NCKAP5: variants seen among roughly 807,000 people sequenced by gnomAD.
The protein encoded by NCKAP5 is NCK associated protein 5, also known as nck-associated protein 5.
In NCKAP5, 92 loss-of-function variants were observed where a neutral mutation model predicts 167.0. The ratio of observed to expected loss-of-function variants is 0.55; its 90% CI spans 0.47 to 0.66. NCKAP5 has a LOEUF of 0.66. NCKAP5 is among the 30% of genes least tolerant of loss of function. The pLI is 0.00. For synonymous variants in NCKAP5, 891 were observed against 877.4 expected (o/e 1.02, Z -0.27); for missense variants, 2,378 against 2,315.0 (o/e 1.03, Z -0.56).
intron 12 of NCKAP5, among the ~76,000 whole-genome samples, chr2:132,794,350 A>G (rs1684399212): frequency 6.8e-6 from 1 of 146,702 alleles, no homozygotes; most frequent in Non-Finnish European, 1.5e-5. Flanking sequence ...ACAGAGACAG[A>G]GGCCAGGCAC....
intron 3 of NCKAP5, among the ~76,000 whole-genome samples, chr2:133,344,008 G>C (rs1157481148): frequency 6.6e-6 from 1 of 152,204 alleles, no homozygotes; most frequent in Non-Finnish European, 1.5e-5. Context: ...AAGCAAAGTT[G>C]GGTAAGGGGC....
intron 2 of NCKAP5, among the ~76,000 whole-genome samples, chr2:133,552,727 C>G (rs1346037647): frequency 7.1e-6 from 1 of 140,994 alleles, no homozygotes; most frequent in Non-Finnish European, 1.5e-5. Flanking sequence ...CACATGTACC[C>G]TAAAACTTAA....
At chr2:133,146,074 T>TTAAAAAGCAACATCTAGA (rs1376668731) in intron 5 of NCKAP5, among the ~76,000 whole-genome samples, 3 of 151,836 alleles carry the variant, frequency 2.0e-5, no homozygotes, top group Non-Finnish European at 4.4e-5. Context: ...GATGAAGTTA[T>TTAAAAAGCAACATCTAGA]TAAAAAGCAA....
At chr2:133,029,829 C>G (rs971497789) in intron 6 of NCKAP5, among the ~76,000 whole-genome samples, 7 of 152,190 alleles carry the variant, frequency 4.6e-5, no homozygotes, top group Admixed American at 3.9e-4. Context: ...ACTATTCACT[C>G]TCATTTATTT....
At chr2:132,898,638 C>A (rs758331275) in intron 8 of NCKAP5, among the ~76,000 whole-genome samples, 12 of 152,174 alleles carry the variant, frequency 7.9e-5, no homozygotes, top group Non-Finnish European at 1.5e-4. Context: ...GTTGTGTTAG[C>A]AGGCATGAAA....
intron 6 of NCKAP5, among the ~76,000 whole-genome samples, chr2:133,098,368 G>C (rs1421786938): frequency 6.6e-6 from 1 of 152,074 alleles, no homozygotes; most frequent in Non-Finnish European, 1.5e-5. Context: ...CTGCAGAATT[G>C]GATATTACAT....
intron 3 of NCKAP5, among the ~76,000 whole-genome samples, chr2:133,487,905 C>T: frequency 6.6e-6 from 1 of 152,142 alleles, no homozygotes; most frequent in South Asian, 2.1e-4. Context: ...TTCAAGATGG[C>T]AGAGTGCATG....
chr2:133,450,940 A>C (rs2151197564), intron 3 of NCKAP5, among the ~76,000 whole-genome samples: 1 of 152,308 alleles, frequency 6.6e-6, no homozygotes, highest in Non-Finnish European at 1.5e-5. Context: ...CAAGGCAGAG[A>C]AAAATATATT....
chr2:133,213,080 T>C (rs1234889212), intron 5 of NCKAP5, among the ~76,000 whole-genome samples: 1 of 152,188 alleles, frequency 6.6e-6, no homozygotes, highest in Non-Finnish European at 1.5e-5. Context: ...ACTCCACGCA[T>C]GCATTCCCCA....
chr2:133,335,163 C>G (rs547790644), intron 3 of NCKAP5, among the ~76,000 whole-genome samples: 6 of 152,234 alleles, frequency 3.9e-5, no homozygotes, highest in African/African-American at 1.4e-4. Flanking sequence ...CCCAACCCTT[C>G]CTGGTATCCA....
chr2:133,629,718 T>G, the NCKAP5 span, among the ~76,000 whole-genome samples: 1 of 151,954 alleles, frequency 6.6e-6, no homozygotes, highest in African/African-American at 2.4e-5. Context: ...AGCAAAGACA[T>G]GGAATCAACC....
chr2:133,186,931 A>T (rs907627056), intron 5 of NCKAP5, among the ~76,000 whole-genome samples: 69 of 150,826 alleles, frequency 4.6e-4, no homozygotes, highest in African/African-American at 1.7e-3. Flanking sequence ...CTTTTTTACA[A>T]TTTTTTTTGC....
chr2:132,693,868 C>T (rs1008113130), intron 19 of NCKAP5, among the ~76,000 whole-genome samples: 24 of 151,938 alleles, frequency 1.6e-4, no homozygotes, highest in African/African-American at 5.6e-4. Context: ...TTGTGATCCA[C>T]ATGTCTCTAC....
At chr2:133,119,378 G>A (rs192643887) in intron 6 of NCKAP5, among the ~76,000 whole-genome samples, 255 of 152,146 alleles carry the variant, frequency 1.7e-3, no homozygotes, top group African/African-American at 5.2e-3. Flanking sequence ...ATCTCAGCAG[G>A]GTGATAATAA....
intron 3 of NCKAP5, among the ~76,000 whole-genome samples, chr2:133,344,889 G>A (rs1683857277): frequency 6.6e-6 from 1 of 151,946 alleles, no homozygotes; most frequent in South Asian, 2.1e-4. Context: ...TGTCAAGCAG[G>A]TAGCGGGATA....
chr2:133,350,796 G>T (rs549031356), intron 3 of NCKAP5, among the ~76,000 whole-genome samples: 1 of 152,158 alleles, frequency 6.6e-6, no homozygotes, highest in East Asian at 1.9e-4. Flanking sequence ...CCTCAGGATG[G>T]GAGGAGGATG....
intron 19 of NCKAP5, among the ~76,000 whole-genome samples, chr2:132,706,077 T>C (rs1352590766): frequency 1.3e-5 from 2 of 152,272 alleles, no homozygotes; most frequent in East Asian, 3.9e-4. Flanking sequence ...AATATAGTTA[T>C]ATACATTACA....
intron 3 of NCKAP5, among the ~76,000 whole-genome samples, chr2:133,435,218 T>C (rs1244582185): frequency 6.6e-6 from 1 of 152,168 alleles, no homozygotes; most frequent in African/African-American, 2.4e-5. Context: ...GATTCACTCA[T>C]GTAATGCTCA....
chr2:133,059,536 G>A (rs75942781), intron 6 of NCKAP5, among the ~76,000 whole-genome samples: 3,591 of 151,928 alleles, frequency 0.024, 62 homozygotes, highest in Non-Finnish European at 0.037. Flanking sequence ...AACAAGGCCT[G>A]GTGGCACATG....
Sources: gnomAD v4.1 joint callset for allele counts (sites outside exome capture counted in the v4.1 genomes callset) on GRCh38, gnomAD v4.1.1 for gene constraint, MANE v1.5 for transcripts, NCBI Gene and HGNC (gene_info 2026-07-23, HGNC 2026-07-21) for gene names.